Variants in TENM4 observed in about 807,000 individuals in gnomAD.
TENM4 encodes teneurin-4.
Under a neutral mutation model 243.3 loss-of-function variants are expected in TENM4, and 82 were observed. The observed-to-expected ratio is 0.34, with a 90% CI of 0.28 to 0.40. TENM4 has a LOEUF of 0.40. TENM4 is among the 10% of genes least tolerant of loss of function. The pLI, the probability that TENM4 is intolerant of heterozygous loss-of-function variation, is 1.00. For synonymous variants in TENM4, 1,412 were observed against 1,456.3 expected (o/e 0.97, Z 0.69); for missense variants, 3,138 against 3,673.3 (o/e 0.85, Z 3.77).
chr11:79,065,239 C>A (rs1490313225), intron 5 of TENM4, among the ~76,000 whole-genome samples: 1 of 152,158 alleles, frequency 6.6e-6, no homozygotes, highest in African/African-American at 2.4e-5. Context: ...TCAAATGGCA[C>A]CTGCTCTGTG....
chr11:79,293,290 G>A (rs482750), intron 2 of TENM4, among the ~76,000 whole-genome samples: 101,508 of 148,324 alleles, frequency 0.68, 34,457 homozygotes, highest in Middle Eastern at 0.75. Context: ...GTCAGAAAAA[G>A]TAGGATGGGC....
intron 6 of TENM4, among the ~76,000 whole-genome samples, chr11:78,982,342 C>T (rs985212307): frequency 2.0e-5 from 3 of 152,152 alleles, no homozygotes; most frequent in Non-Finnish European, 1.5e-5. Context: ...CAGGTCCACT[C>T]GCGGCTGTGG....
intron 19 of TENM4, among the ~76,000 whole-genome samples, chr11:78,748,167 T>C (rs1353063177): frequency 2.0e-5 from 3 of 152,246 alleles, no homozygotes; most frequent in Non-Finnish European, 2.9e-5. Flanking sequence ...CTATAGCTAA[T>C]GCTAATATTA....
intron 1 of TENM4, among the ~76,000 whole-genome samples, chr11:79,320,044 G>A (rs1396609440): frequency 1.3e-5 from 2 of 152,208 alleles, no homozygotes; most frequent in African/African-American, 4.8e-5. Context: ...TGGCAGGGCA[G>A]GAGAACATAG....
At chr11:79,027,104 C>G (rs956126480) in intron 6 of TENM4, among the ~76,000 whole-genome samples, 5 of 152,086 alleles carry the variant, frequency 3.3e-5, no homozygotes, top group African/African-American at 1.2e-4. Context: ...GTGGGTTGAA[C>G]AAGAGACTTA....
intron 4 of TENM4, among the ~76,000 whole-genome samples, chr11:79,091,975 C>T (rs963561926): frequency 4.6e-5 from 7 of 152,140 alleles, no homozygotes; most frequent in African/African-American, 1.4e-4. Context: ...CTCCCACATG[C>T]CCCCTGACTT....
chr11:78,854,325 G>A lies in TENM4; in HGVS notation c.1471-11C>T, dbSNP rs1221391750. On this transcript the variant is annotated splice_polypyrimidine_tract_variant and intron_variant, in intron 11 of 33. Transcript: ENST00000278550. The stretch of plus-strand genomic sequence containing the variant: ...CTCCACAAAGTCAAACTGAAAGACA[G>A]AGAAAGCACAGTTAGCAGTGGGTCT... The A allele has an allele frequency of 1.3e-6, 2 of 1,491,148 alleles. No individual in the cohort carries two copies. The highest frequency in any genetic ancestry group is 1.8e-6 in the Non-Finnish European group (2 of 1,117,248). The allele number at this position is 1,491,148 out of a possible 1,614,324, so 92.4% of individuals were successfully genotyped here.
chr11:78,903,888 T>C, intron 6 of TENM4: 1 of 530,794 alleles, frequency 1.9e-6, no homozygotes, highest in Non-Finnish European at 3.6e-6. Flanking sequence ...TTCAGCATCG[T>C]CTGGGAACTT....
At chr11:79,349,857 G>C (rs948909854) in intron 1 of TENM4, among the ~76,000 whole-genome samples, 2 of 152,214 alleles carry the variant, frequency 1.3e-5, no homozygotes, top group Non-Finnish European at 1.5e-5. Context: ...AAAGCAGTTA[G>C]ATAGTAGGGC....
At chr11:78,745,335 T>C (rs977695785) in intron 19 of TENM4, among the ~76,000 whole-genome samples, 17 of 152,062 alleles carry the variant, frequency 1.1e-4, no homozygotes, top group African/African-American at 3.6e-4. Context: ...CAAGCGATTC[T>C]TGTGCCTCAG....
intron 3 of TENM4, among the ~76,000 whole-genome samples, chr11:79,209,116 G>C (rs1236098386): frequency 6.6e-6 from 1 of 152,182 alleles, no homozygotes; most frequent in Non-Finnish European, 1.5e-5. Context: ...CTTCCCATTT[G>C]GAAATAAACT....
At chr11:78,748,202 G>T (rs1169173806) in intron 19 of TENM4, among the ~76,000 whole-genome samples, 1 of 152,138 alleles carries the variant, frequency 6.6e-6, no homozygotes. Flanking sequence ...TAGTGACAGT[G>T]GCCACTATCA....
At chr11:78,693,590 T>C (rs1858881542) in intron 28 of TENM4, among the ~76,000 whole-genome samples, 3 of 152,352 alleles carry the variant, frequency 2.0e-5, no homozygotes, top group South Asian at 2.1e-4. Context: ...TTTGCAGCGA[T>C]GCCAAGCCCC....
chr11:78,672,322 T>G lies in TENM4; in HGVS notation c.5504A>C (p.Asn1835Thr). 12 of 1,606,662 alleles carry G rather than the reference T, an allele frequency of 7.5e-6. No individual in the cohort carries two copies. Among genetic ancestry groups the G allele is most frequent in the Non-Finnish European group, 1.0e-5 (12 of 1,173,738 alleles). The change falls in exon 31 of 34, where the codon AAC (asparagine) becomes ACC (threonine). Residue 1835 changes from asparagine to threonine, a missense_variant. By Grantham distance (65) the Asn-to-Thr change is moderately conservative. Around this residue, in one of 2 missense-constraint regions of TENM4, gnomAD observed 2,467 missense variants for 3,059.1 expected, o/e 0.81. Transcript: ENST00000278550. ...AAAGTCCAGAGATAGGAGATTTCGG[T>G]TGTGAACCTGGAGAAAGGGTTGGAA... Reference protein sequence around the residue: ...TVFGRRLRVHNRNLLSLDFDR... With the variant: ...TVFGRRLRVHTRNLLSLDFDR...
chr11:79,188,530 G>A (rs1863417698), intron 3 of TENM4, among the ~76,000 whole-genome samples: 1 of 151,940 alleles, frequency 6.6e-6, no homozygotes, highest in South Asian at 2.1e-4. Context: ...GAGGAAGAAG[G>A]AGGGAAGGAG....
intron 2 of TENM4, among the ~76,000 whole-genome samples, chr11:79,276,913 C>A (rs1009920218): frequency 6.6e-5 from 10 of 152,132 alleles, no homozygotes; most frequent in Non-Finnish European, 1.2e-4. Context: ...CCCCATCCCC[C>A]CAACTTCTGC....
chr11:78,968,513 T>A (rs1300578422), intron 6 of TENM4, among the ~76,000 whole-genome samples: 3 of 152,142 alleles, frequency 2.0e-5, no homozygotes, highest in Non-Finnish European at 4.4e-5. Flanking sequence ...ATTTTCTTTA[T>A]AAAGAAACTC....
intron 18 of TENM4, among the ~76,000 whole-genome samples, chr11:78,760,387 G>T (rs188760781): frequency 2.7e-4 from 41 of 152,294 alleles, no homozygotes; most frequent in African/African-American, 9.4e-4. Flanking sequence ...GTGTGACTTG[G>T]TCCAAGTTGC....
At chr11:79,111,950 A>T (rs1861518091) in intron 4 of TENM4, among the ~76,000 whole-genome samples, 1 of 152,120 alleles carries the variant, frequency 6.6e-6, no homozygotes, top group South Asian at 2.1e-4. Context: ...CAACACAAAG[A>T]TATGGAGTTA....
Sources: allele counts gnomAD v4.1 joint callset (sites outside exome capture counted in the v4.1 genomes callset), GRCh38; gene constraint gnomAD v4.1.1; regional missense constraint gnomAD v4.1.1; transcripts MANE v1.5; gene names NCBI Gene and HGNC (gene_info 2026-07-23, HGNC 2026-07-21).